ZNF83: variants seen among roughly 807,000 people sequenced by gnomAD.
ZNF83 encodes the protein zinc finger protein 816B.
For synonymous variants in ZNF83, 209 were observed against 213.0 expected (o/e 0.98, Z 0.17); for missense variants, 552 against 629.9 (o/e 0.88, Z 1.32).
intron 1 of ZNF83, among the ~76,000 whole-genome samples, chr19:52,664,117 T>G (rs976416160): frequency 6.6e-6 from 1 of 151,962 alleles, no homozygotes; most frequent in Non-Finnish European, 1.5e-5. Context: ...CTCCTGAAAT[T>G]AGGTGATCCA....
At chr19:52,677,349 G>T (rs542524632) in intron 1 of ZNF83, among the ~76,000 whole-genome samples, 1 of 151,168 alleles carries the variant, frequency 6.6e-6, no homozygotes, top group South Asian at 2.1e-4. Flanking sequence ...AGCCGGGTGT[G>T]GTGGTGCATG....
intron 1 of ZNF83, among the ~76,000 whole-genome samples, chr19:52,682,852 G>A (rs12980139): frequency 0.078 from 11,805 of 152,122 alleles, 500 homozygotes; most frequent in Non-Finnish European, 0.091. Context: ...CTGGGCCACA[G>A]AGCGACACCT....
intron 2 of ZNF83, among the ~76,000 whole-genome samples, chr19:52,623,653 C>T (rs995566276): frequency 1.1e-4 from 16 of 152,166 alleles, no homozygotes; most frequent in Non-Finnish European, 1.8e-4. Context: ...GTATGGGACA[C>T]CTCTGCTCCC....
chr19:52,630,253 A>C (rs924185319), intron 2 of ZNF83, among the ~76,000 whole-genome samples: 2 of 152,162 alleles, frequency 1.3e-5, no homozygotes, highest in African/African-American at 2.4e-5. Flanking sequence ...GAAGACTGAC[A>C]CTGCCCGATC....
At chr19:52,651,881 C>T (rs564065386) in intron 3 of ZNF83, 3 of 166,544 alleles carry the variant, frequency 1.8e-5, no homozygotes, top group South Asian at 1.8e-4. Flanking sequence ...TTCTTCTTGA[C>T]GTAAACACTT....
chr19:52,685,203 G>C (rs533016265), intron 1 of ZNF83, among the ~76,000 whole-genome samples: 2 of 152,128 alleles, frequency 1.3e-5, no homozygotes, highest in Non-Finnish European at 2.9e-5. Flanking sequence ...GGGTCACTCA[G>C]GGTGAGCTTT....
At chr19:52,623,199 G>C (rs892948075) in intron 2 of ZNF83, among the ~76,000 whole-genome samples, 10 of 152,168 alleles carry the variant, frequency 6.6e-5, no homozygotes, top group African/African-American at 2.4e-4. Flanking sequence ...TCCCAGATCT[G>C]CTCGGCTTAG....
At chr19:52,689,606 G>C (rs974660210) in intron 1 of ZNF83, among the ~76,000 whole-genome samples, 4 of 152,124 alleles carry the variant, frequency 2.6e-5, no homozygotes, top group East Asian at 1.9e-4. Flanking sequence ...CTACATTTCT[G>C]CACTTGCTTT....
At chr19:52,613,937 A>G in exon 3 of ZNF83, 2 of 1,613,412 alleles carry the variant, frequency 1.2e-6, no homozygotes, top group Non-Finnish European at 1.7e-6. Flanking sequence ...ACCTTTCCAC[A>G]TTCATTACAT....
rs185335564 is a variant in ZNF83 at position 52,631,791 on chromosome 19, G to A, written c.-234+3275C>T. ...CACCAGGCCTAATCGCCACACACCA[G>A]CAAAGGCAGGCTATGCTATAGTACA... On this transcript the variant is annotated intron_variant, in intron 2 of 2. Coordinates refer to ENST00000301096, the Ensembl canonical transcript of ZNF83. 4.3e-3 allele frequency among the ~76,000 whole-genome samples: 657 copies of A among 152,268 alleles called. 3 individuals carry two copies. Among genetic ancestry groups the A allele is most frequent in the African/African-American group, 0.015 (639 of 41,522 alleles).
At position 52,629,891 on chromosome 19, in the gene ZNF83, C is replaced by T. The variant is rs567725141; in HGVS notation, c.-234+5175G>A. Among the ~76,000 whole-genome samples the T allele has an allele frequency of 4.1e-3, 621 of 152,032 alleles. 2 individuals carry two copies. The highest frequency in any genetic ancestry group is 0.013 in the African/African-American group (543 of 41,294). The stretch of plus-strand genomic sequence containing the variant: ...CCCCACAACAGGATTTAATTAACCT[C>T]ACCTTCAAGGTGTACAATAATAGAA... On this transcript the variant is annotated intron_variant, in intron 2 of 2. Coordinates refer to ENST00000301096, the Ensembl canonical transcript of ZNF83.
chr19:52,681,279 T>TCA (rs2061913721), intron 1 of ZNF83, among the ~76,000 whole-genome samples: 1 of 15,024 alleles, frequency 6.7e-5, no homozygotes, highest in Non-Finnish European at 1.5e-4. Flanking sequence ...TGAGACTTTC[T>TCA]CAAAAAAAAA....
chr19:52,678,973 CAA>C (rs11365430), intron 1 of ZNF83, among the ~76,000 whole-genome samples: 104 of 138,348 alleles, frequency 7.5e-4, no homozygotes, highest in Admixed American at 8.6e-4. Context: ...GACTCCATCT[CAA>C]AAAAAAAAAA....
rs530831766 is a variant in ZNF83 at position 52,671,446 on chromosome 19, CT to C, written c.-282-10604del. ...ATGTACCTTTTATCTTCAAGTTGTA[CT>C]TTTTTTTTTTCCTTCAGACAGGACC... On this transcript the variant is annotated intron_variant, in intron 1 of 5. Transcript: ENST00000594682. 2.2e-4 allele frequency among the ~76,000 whole-genome samples: 33 copies of C among 148,284 alleles called. No homozygotes were observed. The South Asian group carries it at 3.6e-3, about 16-fold the overall frequency.
chr19:52,680,544 G>C (rs2061889626), intron 1 of ZNF83, among the ~76,000 whole-genome samples: 1 of 150,348 alleles, frequency 6.7e-6, no homozygotes, highest in Non-Finnish European at 1.5e-5. Context: ...ACAAACCCAC[G>C]TTAAGGTATT....
rs7248172 is a variant in ZNF83, at chr19:52,657,622, C to G, written c.-200-1935G>C. On this transcript the variant is annotated intron_variant, in intron 2 of 5. Transcript: ENST00000594682. ...CAGCACTTTGGGATGCCAAGGCAGGCGGATCACCTGAGGTCAGGAATTCGC... is the reference window on the plus strand; with the variant it reads ...CAGCACTTTGGGATGCCAAGGCAGGGGGATCACCTGAGGTCAGGAATTCGC... Among the ~76,000 whole-genome samples the G allele has an allele frequency of 3.5e-3, 530 of 151,922 alleles. 6 individuals are homozygous for G. The highest frequency in any genetic ancestry group is 0.012 in the African/African-American group (505 of 41,430).
intron 2 of ZNF83, among the ~76,000 whole-genome samples, chr19:52,631,103 T>C (rs12460413): frequency 0.38 from 47,117 of 122,856 alleles, 9,641 homozygotes; most frequent in Middle Eastern, 0.47. Flanking sequence ...TGACACCCAT[T>C]AGGCTCAGCA....
chr19:52,655,413 G>T, intron 3 of ZNF83: 1 of 776,320 alleles, frequency 1.3e-6, no homozygotes, highest in South Asian at 1.7e-5. Context: ...AGCTGTCTAT[G>T]ACAGACAGGA....
At chr19:52,679,361 A>T (rs1162411558) in intron 1 of ZNF83, among the ~76,000 whole-genome samples, 3 of 152,236 alleles carry the variant, frequency 2.0e-5, no homozygotes, top group African/African-American at 7.2e-5. Flanking sequence ...CTGTAATCCC[A>T]GCACTTTGGG....
Sources: allele counts gnomAD v4.1 joint callset (sites outside exome capture counted in the v4.1 genomes callset), GRCh38; gene constraint gnomAD v4.1.1; transcripts MANE v1.5; gene names NCBI Gene and HGNC (gene_info 2026-07-23, HGNC 2026-07-21).